Variants in XRN1 observed in about 807,000 individuals in gnomAD.
The protein encoded by XRN1 is 5'-3' exoribonuclease 1.
In XRN1, 67 loss-of-function variants were observed where a neutral mutation model predicts 222.3. That is an observed-to-expected ratio of 0.30 (90% CI 0.25 to 0.37). The LOEUF is 0.37. Ranked by LOEUF, XRN1 falls within the 10% of genes least tolerant of loss-of-function variation. XRN1 has a pLI of 1.00. For missense variants in XRN1, 1,707 were observed against 2,000.2 expected (o/e 0.85, Z 2.80); for synonymous variants, 643 against 652.4 (o/e 0.99, Z 0.22).
intron 32 of XRN1, among the ~76,000 whole-genome samples, chr3:142,353,496 A>G (rs149690955): frequency 6.6e-6 from 1 of 152,322 alleles, no homozygotes; most frequent in East Asian, 1.9e-4. Flanking sequence ...ACAAAGACCA[A>G]TGGAACAGAA....
chr3:142,306,710 C>G lies in XRN1; in HGVS notation c.*4801G>C, dbSNP rs978699990. The G allele has an allele frequency of 6.6e-6, 1 of 152,568 alleles. No homozygotes were observed. The highest frequency in any genetic ancestry group is 1.5e-5 in the Non-Finnish European group (1 of 68,040). The allele number at this position is 152,568 out of a possible 1,614,324, so 9.5% of individuals were successfully genotyped here. On this transcript the variant is annotated 3_prime_UTR_variant, in exon 41 of 41. Coordinates refer to ENST00000392981, the MANE Select transcript of XRN1 (RefSeq NM_001282857.2). ...CTCTCATATTTTAAAATCCTTTGCA[C>G]AGCATCGTGAGGCTAACTTCATGCT...
Position 142,357,099 on chromosome 3 carries a change from T to C in XRN1, c.3485A>G (p.Tyr1162Cys). ...LTIRCSPGRG[Y>C]RLPTSALVNL... Reference sequence around the variant, plus strand: ...CACCAAGGCACTTGTTGGCAGTCGATAACCTCTACCAGGTGAGCATCTAAA... The same window carrying C: ...CACCAAGGCACTTGTTGGCAGTCGACAACCTCTACCAGGTGAGCATCTAAA... Residue 1162 changes from tyrosine (Y) to cysteine (C), a missense_variant, in exon 31 of 41, where the codon TAT becomes TGT. Tyr to Cys is a radical substitution (Grantham distance 194). This residue lies in a region of XRN1 where 1,234 missense variants were observed against 1,518.2 expected (regional missense o/e 0.81). Coordinates refer to ENST00000392981, the MANE Select transcript of XRN1 (RefSeq NM_001282857.2). 6.2e-7 allele frequency: 1 copy of C among 1,612,382 alleles called. No homozygotes were observed. The highest frequency in any genetic ancestry group is 8.5e-7 in the Non-Finnish European group (1 of 1,179,222).
At chr3:142,360,868 C>T (rs1179766576) in intron 29 of XRN1, among the ~76,000 whole-genome samples, 65 of 58,172 alleles carry the variant, frequency 1.1e-3, no homozygotes, top group East Asian at 1.0e-3. Flanking sequence ...AGCGAGACTC[C>T]GTCTCAAAAA....
intron 2 of XRN1, among the ~76,000 whole-genome samples, chr3:142,427,863 T>C (rs2069326540): frequency 6.6e-6 from 1 of 152,260 alleles, no homozygotes; most frequent in Non-Finnish European, 1.5e-5. Flanking sequence ...TCTACAGCCT[T>C]GCTACTAGCT....
chr3:142,362,737 C>T (rs1432846120), intron 29 of XRN1, among the ~76,000 whole-genome samples: 1 of 145,724 alleles, frequency 6.9e-6, no homozygotes, highest in Non-Finnish European at 1.5e-5. Context: ...CTCCTCCTTC[C>T]CTCCCTCCCT....
intron 2 of XRN1, among the ~76,000 whole-genome samples, chr3:142,429,268 T>C (rs1044331997): frequency 7.4e-5 from 11 of 147,746 alleles, no homozygotes; most frequent in African/African-American, 2.7e-4. Flanking sequence ...TGCCTCACCC[T>C]CCCGAGTAGC....
Position 142,356,906 on chromosome 3 carries a change from T to G in XRN1, c.3672+6A>C. 2 of 1,613,234 alleles carry G rather than the reference T, an allele frequency of 1.2e-6. No homozygotes were observed. Among genetic ancestry groups the G allele is most frequent in the Non-Finnish European group, 1.7e-6 (2 of 1,179,394 alleles). On this transcript the variant is annotated splice_donor_region_variant and intron_variant, in intron 31 of 40. Transcript: ENST00000392981. ...TAGAGGAGAAGTTAAAGACTGAGAG[T>G]CTTACTTGAGTAGGAACAAAAAGTG...
chr3:142,380,136 C>G lies in XRN1; in HGVS notation c.2661G>C (p.Val887=), dbSNP rs1313873989. Residue 887 remains valine, a synonymous_variant, in exon 23 of 41, where the codon GTG becomes GTC. Transcript: ENST00000392981. ...TGGGTTCACATGGAATGCTGAAAAT[C>G]ACACGAATCCTACCTTCTGTAATCA... ...GDVITEGRIR[V]IFSIPCEPNL... 1 of 1,613,922 alleles carries G rather than the reference C, an allele frequency of 6.2e-7. No homozygotes were observed. Among genetic ancestry groups the G allele is most frequent in the East Asian group, 2.2e-5 (1 of 44,810 alleles).
chr3:142,432,477 C>T (rs1463839607), intron 2 of XRN1, among the ~76,000 whole-genome samples, 184 bp downstream of exon 2: 1 of 151,352 alleles, frequency 6.6e-6, no homozygotes, highest in East Asian at 1.9e-4. Flanking sequence ...TGAGAAAGGA[C>T]ATCTCACTGA....
At chr3:142,408,607 T>G (rs1311106722) in intron 15 of XRN1, among the ~76,000 whole-genome samples, 20 of 152,222 alleles carry the variant, frequency 1.3e-4, no homozygotes, top group Admixed American at 1.3e-3. Context: ...TACTTATCTA[T>G]TGTCCTGCTG....
Position 142,365,195 on chromosome 3 carries a change from C to G in XRN1, c.3262-16G>C, listed in dbSNP as rs2066777321. On this transcript the variant is annotated splice_polypyrimidine_tract_variant and intron_variant, in intron 28 of 40. Coordinates refer to ENST00000392981, the MANE Select transcript of XRN1 (RefSeq NM_001282857.2). ...GTTCTAAAGGCTGAAGAGAAGAAAG[C>G]TATTAATTATAATAAACAAAAAAAT... 1 of 1,592,660 alleles carries G rather than the reference C, an allele frequency of 6.3e-7. No homozygotes were observed. The highest frequency in any genetic ancestry group is 2.3e-5 in the East Asian group (1 of 44,412).
At chr3:142,406,694 T>A (rs372025057) in intron 15 of XRN1, among the ~76,000 whole-genome samples, 1 of 139,800 alleles carries the variant, frequency 7.2e-6, no homozygotes, top group Non-Finnish European at 1.6e-5. Context: ...ATCCAGTTCA[T>A]TTTTTTTTTT....
chr3:142,425,997 C>G (rs1340453740), intron 3 of XRN1, among the ~76,000 whole-genome samples: 1 of 151,678 alleles, frequency 6.6e-6, no homozygotes, highest in East Asian at 1.9e-4. Flanking sequence ...AATTTGGAAC[C>G]TGAGTCTACA....
At chr3:142,330,836 C>T (rs1012157306) in intron 36 of XRN1, among the ~76,000 whole-genome samples, 7 of 152,036 alleles carry the variant, frequency 4.6e-5, no homozygotes, top group African/African-American at 1.7e-4. Context: ...GACAGAGTTT[C>T]GCTCTTGTTG....
intron 15 of XRN1, 84 bp from the exon 16 acceptor site, chr3:142,405,160 T>C: frequency 7.4e-7 from 1 of 1,358,800 alleles, no homozygotes; most frequent in Non-Finnish European, 1.0e-6. Flanking sequence ...TTCCTCCATA[T>C]ACAGAATAAC....
chr3:142,403,011 A>G (rs2068204309), intron 18 of XRN1, among the ~76,000 whole-genome samples: 1 of 152,086 alleles, frequency 6.6e-6, no homozygotes, highest in South Asian at 2.1e-4. Flanking sequence ...CTTTTGTGCA[A>G]TTTAGTTTAT....
chr3:142,383,516 G>A (rs2067378983), intron 21 of XRN1, 103 bp from the exon 22 acceptor site: 1 of 982,392 alleles, frequency 1.0e-6, no homozygotes, highest in Non-Finnish European at 1.5e-6. Context: ...AAATGTCAAT[G>A]TGAAGATTTT....
chr3:142,329,666 A>T (rs1239645576), intron 36 of XRN1, 51 bp from the exon 37 acceptor site: 1 of 1,490,448 alleles, frequency 6.7e-7, no homozygotes, highest in Admixed American at 2.7e-5. Flanking sequence ...TACTATCTCA[A>T]ATTATGCACT....
chr3:142,335,487 A>G lies in XRN1; in HGVS notation c.3900T>C (p.Pro1300=). Residue 1300 remains proline (P), a synonymous_variant, in exon 34 of 41, where the codon CCT becomes CCC. Coordinates refer to ENST00000392981, the MANE Select transcript of XRN1 (RefSeq NM_001282857.2). Reference sequence around the variant, plus strand: ...TTTTTTGGGACCAACACTCAGCTTTAGGACTCTTACACTCTTCTTTAACTA... The same window carrying G: ...TTTTTTGGGACCAACACTCAGCTTTGGGACTCTTACACTCTTCTTTAACTA... ...HRKFKEECKS[P]KAECWSQKMS... 6.2e-7 allele frequency: 1 copy of G among 1,613,988 alleles called. No homozygotes were observed. Among genetic ancestry groups the G allele is most frequent in the South Asian group, 1.1e-5 (1 of 91,072 alleles).
Sources: gnomAD v4.1 joint callset for allele counts (sites outside exome capture counted in the v4.1 genomes callset) on GRCh38, gnomAD v4.1.1 for gene constraint, gnomAD v4.1.1 regional missense constraint, MANE v1.5 for transcripts, NCBI Gene and HGNC (gene_info 2026-07-23, HGNC 2026-07-21) for gene names.